BCL11A: variants seen among roughly 807,000 people sequenced by gnomAD.
BCL11A encodes B cell CLL/lymphoma 11A.
Under a neutral mutation model 55.9 loss-of-function variants are expected in BCL11A, and 2 were observed. That is an observed-to-expected ratio of 0.04 (90% CI 0.01 to 0.11). The LOEUF is 0.11. Ranked by LOEUF, BCL11A falls within the 10% of genes least tolerant of loss-of-function variation. The pLI is 1.00. For missense variants in BCL11A, 817 were observed against 1,137.1 expected, an observed-to-expected ratio of 0.72 and a Z score of 4.05; for synonymous variants, 465 against 473.4, an observed-to-expected ratio of 0.98 and a Z score of 0.23.
intron 2 of BCL11A, among the ~76,000 whole-genome samples, chr2:60,503,958 G>C (rs567058182): frequency 6.6e-6 from 1 of 152,188 alleles, no homozygotes; most frequent in South Asian, 2.1e-4. Flanking sequence ...AGGAACGAGG[G>C]GGCAGAGAGG....
intron 3 of BCL11A, among the ~76,000 whole-genome samples, chr2:60,466,273 G>A (rs1676602913): frequency 6.6e-6 from 1 of 151,806 alleles, no homozygotes; most frequent in Non-Finnish European, 1.5e-5. Context: ...AACAGCCCTT[G>A]GCCTCTCAAC....
chr2:60,539,767 G>A (rs935970038), intron 2 of BCL11A, among the ~76,000 whole-genome samples: 2 of 152,154 alleles, frequency 1.3e-5, no homozygotes, highest in African/African-American at 4.8e-5. Context: ...TTAAGTTTGT[G>A]ACAGAAAATG....
intron 2 of BCL11A, among the ~76,000 whole-genome samples, chr2:60,471,189 G>T (rs965339156): frequency 2.6e-5 from 4 of 152,232 alleles, no homozygotes; most frequent in South Asian, 2.1e-4. Flanking sequence ...CTGCTCTGCT[G>T]CCTGGGCCTC....
At chr2:60,505,393 G>A (rs1026249574) in intron 2 of BCL11A, among the ~76,000 whole-genome samples, 2 of 152,254 alleles carry the variant, frequency 1.3e-5, no homozygotes, top group African/African-American at 4.8e-5. Context: ...TAGGTGAAAT[G>A]TGTTGGAGCA....
intron 1 of BCL11A, chr2:60,550,875 G>A (rs1402229689): frequency 7.5e-6 from 3 of 398,358 alleles, no homozygotes; most frequent in Non-Finnish European, 8.8e-6. Context: ...TACCTGGCCG[G>A]GCTGTAACTT....
Position 60,515,451 on chromosome 2 carries a change from G to A in BCL11A, c.385+30520C>T, listed in dbSNP as rs79181257. On this transcript the variant is annotated intron_variant, in intron 2 of 3. Transcript: ENST00000642384. The stretch of plus-strand genomic sequence containing the variant: ...AAACATGACTCCTGCCCTCCAAAAG[G>A]TTATAATTTGAGGAGGAGAAAATAC... Among the ~76,000 whole-genome samples, 68 of 152,266 alleles carry A rather than the reference G, an allele frequency of 4.5e-4. No homozygotes were observed. The East Asian group carries it at 0.011, about 24-fold the overall frequency.
At position 60,547,511 on chromosome 2, in the gene BCL11A, C is replaced by CA. The variant is rs35182373; in HGVS notation, c.56-1212dup. ...TTGTGAAATCTTATGCTTGCTCTATCAAAAAAAAAAAAAAAATCACAAAAT... is the reference window on the plus strand; with the variant it reads ...TTGTGAAATCTTATGCTTGCTCTATCAAAAAAAAAAAAAAAAATCACAAAAT... On this transcript the variant is annotated intron_variant, in intron 1 of 3. Coordinates refer to ENST00000642384, the MANE Select transcript of BCL11A (RefSeq NM_022893.4). Among the ~76,000 whole-genome samples the CA allele has an allele frequency of 5.4e-3, 620 of 114,588 alleles. 9 individuals are homozygous for CA. The highest frequency in any genetic ancestry group is 0.033 in the East Asian group (145 of 4,446). 75.2% of individuals were successfully genotyped at this position (114,588 alleles called of 152,430 possible).
intron 2 of BCL11A, among the ~76,000 whole-genome samples, chr2:60,513,607 A>G (rs1193494525): frequency 6.6e-6 from 1 of 152,124 alleles, no homozygotes; most frequent in Non-Finnish European, 1.5e-5. Context: ...CCACCCTTCC[A>G]AGGGCCTGCT....
At chr2:60,521,873 C>G (rs1183132869) in intron 2 of BCL11A, among the ~76,000 whole-genome samples, 2 of 152,182 alleles carry the variant, frequency 1.3e-5, no homozygotes, top group African/African-American at 2.4e-5. Context: ...GACTCTGCCT[C>G]ATGCACTGAA....
Position 60,460,105 on chromosome 2 carries a change from T to C in BCL11A, c.*299A>G. The C allele has an allele frequency of 8.9e-7, 1 of 1,128,160 alleles. No individual in the cohort carries two copies. The highest frequency in any genetic ancestry group is 1.1e-6 in the Non-Finnish European group (1 of 922,494). The allele number at this position is 1,128,160 out of a possible 1,614,324, so 69.9% of individuals were successfully genotyped here. Reference sequence around the variant, plus strand: ...ATTGCACAAGAGAAAGGCTCAAAGTTTGCGTAAAATGCAATAGTATTGCCC... The same window carrying C: ...ATTGCACAAGAGAAAGGCTCAAAGTCTGCGTAAAATGCAATAGTATTGCCC... On this transcript the variant is annotated 3_prime_UTR_variant, in exon 4 of 4. Coordinates refer to ENST00000642384, the MANE Select transcript of BCL11A (RefSeq NM_022893.4).
chr2:60,523,487 T>C (rs1558476497), intron 2 of BCL11A, among the ~76,000 whole-genome samples: 1 of 152,024 alleles, frequency 6.6e-6, no homozygotes, highest in Non-Finnish European at 1.5e-5. Flanking sequence ...GACTTTCCTA[T>C]TCTCTCTCTC....
intron 2 of BCL11A, among the ~76,000 whole-genome samples, chr2:60,498,421 G>C (rs1291592174): frequency 6.6e-6 from 1 of 152,122 alleles, no homozygotes. Context: ...GGGCTGGACA[G>C]AGGGGTCCCA....
At chr2:60,494,788 C>G (rs1018831205) in intron 2 of BCL11A, among the ~76,000 whole-genome samples, 2 of 152,186 alleles carry the variant, frequency 1.3e-5, no homozygotes, top group Non-Finnish European at 2.9e-5. Context: ...AAAATGCTGC[C>G]TCCTGGTATT....
chr2:60,463,452 C>G (rs999557143), intron 3 of BCL11A, among the ~76,000 whole-genome samples: 1 of 152,226 alleles, frequency 6.6e-6, no homozygotes, highest in Non-Finnish European at 1.5e-5. Context: ...TCGGCTGGGA[C>G]TCAGCTCCAG....
intron 2 of BCL11A, chr2:60,526,996 A>G (rs1478445542): frequency 4.6e-5 from 7 of 152,176 alleles, no homozygotes. Flanking sequence ...CAGCCTCTTA[A>G]CCAGTCCACT....
intron 2 of BCL11A, among the ~76,000 whole-genome samples, chr2:60,519,928 T>TG (rs1461125673): frequency 6.6e-6 from 1 of 152,226 alleles, no homozygotes; most frequent in Non-Finnish European, 1.5e-5. Flanking sequence ...TCTCTAGACT[T>TG]GGAGTGTTAA....
Position 60,461,323 on chromosome 2 carries a change from C to T in BCL11A, c.1589G>A (p.Arg530Gln), listed in dbSNP as rs1676264706. 19 of 1,599,168 alleles carry T rather than the reference C, an allele frequency of 1.2e-5. No homozygotes were observed. The highest frequency in any genetic ancestry group is 1.5e-5 in the Non-Finnish European group (18 of 1,177,712). Reference protein sequence around the residue: ...EAARHHENSSRGAVVGVGDES... With the variant: ...EAARHHENSSQGAVVGVGDES... The stretch of plus-strand genomic sequence containing the variant: ...GTCGCCCACGCCCACGACCGCGCCC[C>T]GCGAGCTGTTCTCGTGGTGGCGCGC... Residue 530 changes from arginine to glutamine, a missense_variant, in exon 4 of 4, where the codon CGG becomes CAG. Physicochemically the swap from Arg to Gln is conservative, Grantham distance 43 (BLOSUM62 1). Around this residue, in one of 4 missense-constraint regions of BCL11A, gnomAD observed 379 missense variants for 425.3 expected, o/e 0.89. Coordinates refer to ENST00000642384, the MANE Select transcript of BCL11A (RefSeq NM_022893.4).
At chr2:60,517,643 G>A (rs1253617071) in intron 2 of BCL11A, among the ~76,000 whole-genome samples, 2 of 152,264 alleles carry the variant, frequency 1.3e-5, no homozygotes, top group African/African-American at 4.8e-5. Flanking sequence ...GCTGGCCATG[G>A]AGAGGCCATG....
At chr2:60,486,817 A>G (rs1678305801) in intron 2 of BCL11A, among the ~76,000 whole-genome samples, 1 of 152,120 alleles carries the variant, frequency 6.6e-6, no homozygotes, top group Non-Finnish European at 1.5e-5. Flanking sequence ...AGACGTTCCC[A>G]CTCAACACCC....
Sources: allele counts gnomAD v4.1 joint callset (sites outside exome capture counted in the v4.1 genomes callset), GRCh38; gene constraint gnomAD v4.1.1; regional missense constraint gnomAD v4.1.1; transcripts MANE v1.5; gene names NCBI Gene and HGNC (gene_info 2026-07-23, HGNC 2026-07-21).